The following DACH1 variants were observed in gnomAD, a reference collection of about 807,000 sequenced individuals.
The protein encoded by DACH1 is dachshund family transcription factor 1, also known as dachshund homolog 1.
Under a neutral mutation model 54.2 loss-of-function variants are expected in DACH1, and 12 were observed. The ratio of observed to expected loss-of-function variants is 0.22; its 90% CI spans 0.14 to 0.36. The LOEUF is 0.36. Among genes scored for constraint, DACH1 ranks in the 10% least tolerant of loss-of-function variants. The pLI, the probability that DACH1 is intolerant of heterozygous loss-of-function variation, is 1.00. For synonymous variants in DACH1, 386 were observed against 366.2 expected (o/e 1.05, Z -0.62); for missense variants, 805 against 929.8 (o/e 0.87, Z 1.75).
In DACH1 at chr13:71,692,506, C is replaced by CTTTTTTTTTT. The variant is rs398023338; in HGVS notation, c.849-10606_849-10597dup. Among the ~76,000 whole-genome samples the CTTTTTTTTTT allele has an allele frequency of 5.9e-4, 26 of 44,438 alleles. 5 individuals carry two copies. The highest frequency in any genetic ancestry group is 2.5e-3 in the African/African-American group (21 of 8,332). The allele number at this position is 44,438 out of a possible 152,430, so 29.2% of individuals were successfully genotyped here. On this transcript the variant is annotated intron_variant, in intron 1 of 10. Transcript: ENST00000613252. ...CCTTTCTTTTTCTTTCTTTTCTTTC[C>CTTTTTTTTTT]TTTTTTTTTTTTTTTTTTTTTTTTT...
chr13:71,800,901 C>T (rs549948314), intron 1 of DACH1, among the ~76,000 whole-genome samples: 9 of 147,594 alleles, frequency 6.1e-5, no homozygotes, highest in Non-Finnish European at 1.2e-4. Context: ...CTGCCATATC[C>T]GAGGAGACAT....
chr13:71,839,545 T>A (rs1165519226), intron 1 of DACH1, among the ~76,000 whole-genome samples: 6 of 152,056 alleles, frequency 3.9e-5, no homozygotes, highest in Non-Finnish European at 8.8e-5. Context: ...AGGTGGAGCT[T>A]GTAGTGAGCA....
chr13:71,765,926 G>GC, intron 1 of DACH1, among the ~76,000 whole-genome samples: 1 of 131,400 alleles, frequency 7.6e-6, no homozygotes, highest in Middle Eastern at 4.7e-3. Context: ...TCGCTCTGTC[G>GC]CCCAGGCTGG....
intron 1 of DACH1, among the ~76,000 whole-genome samples, chr13:71,699,824 A>G (rs574615663): frequency 1.2e-4 from 19 of 152,314 alleles, no homozygotes; most frequent in Admixed American, 1.2e-3. Flanking sequence ...AACTTGTATC[A>G]GCTTTTCCAA....
chr13:71,457,133 A>G (rs1240666594), intron 10 of DACH1, among the ~76,000 whole-genome samples: 2 of 152,072 alleles, frequency 1.3e-5, no homozygotes, highest in Non-Finnish European at 2.9e-5. Flanking sequence ...ATACTGTTCA[A>G]ATGACTGCAA....
At chr13:71,658,352 C>G (rs1879275701) in intron 2 of DACH1, among the ~76,000 whole-genome samples, 1 of 152,138 alleles carries the variant, frequency 6.6e-6, no homozygotes, top group South Asian at 2.1e-4. Flanking sequence ...GAGTTTGAGA[C>G]TAGCCTGGCC....
At chr13:71,570,651 AT>A (rs1373204258) in intron 4 of DACH1, among the ~76,000 whole-genome samples, 1 of 152,160 alleles carries the variant, frequency 6.6e-6, no homozygotes, top group East Asian at 1.9e-4. Flanking sequence ...GTGTTGGCAC[AT>A]ATCTTAAAAC....
At chr13:71,804,212 C>T (rs1887399657) in intron 1 of DACH1, among the ~76,000 whole-genome samples, 1 of 152,062 alleles carries the variant, frequency 6.6e-6, no homozygotes, top group Non-Finnish European at 1.5e-5. Context: ...ACTTGGGAGA[C>T]TAAGGCAGGA....
chr13:71,850,226 C>T (rs1594300084), intron 1 of DACH1, among the ~76,000 whole-genome samples: 1 of 152,182 alleles, frequency 6.6e-6, no homozygotes, highest in Non-Finnish European at 1.5e-5. Flanking sequence ...TTACTGGCTA[C>T]CTCCTTAAAT....
intron 10 of DACH1, among the ~76,000 whole-genome samples, chr13:71,448,383 C>T (rs767503963): frequency 2.0e-5 from 3 of 152,096 alleles, no homozygotes; most frequent in Non-Finnish European, 2.9e-5. Flanking sequence ...GCGATGAAAA[C>T]AAATGTTAAT....
intron 1 of DACH1, among the ~76,000 whole-genome samples, chr13:71,822,750 G>A (rs545332707): frequency 6.6e-6 from 1 of 152,258 alleles, no homozygotes; most frequent in East Asian, 1.9e-4. Flanking sequence ...CCATGCTGGA[G>A]CAAGTGGCTA....
At chr13:71,657,304 AAC>A (rs894597499) in intron 2 of DACH1, among the ~76,000 whole-genome samples, 5 of 151,994 alleles carry the variant, frequency 3.3e-5, no homozygotes, top group South Asian at 4.1e-4. Context: ...CCAGCATTTA[AAC>A]ACAGTGTGAC....
intron 10 of DACH1, among the ~76,000 whole-genome samples, chr13:71,443,215 T>C (rs1874160790): frequency 6.6e-6 from 1 of 151,710 alleles, no homozygotes; most frequent in Admixed American, 6.6e-5. Context: ...ATAAGTTGTG[T>C]CAGATATCAG....
At chr13:71,577,326 A>T (rs1281512891) in intron 3 of DACH1, among the ~76,000 whole-genome samples, 2 of 152,122 alleles carry the variant, frequency 1.3e-5, no homozygotes, top group Admixed American at 1.3e-4. Flanking sequence ...TTCTGTTGGA[A>T]TTTTCCTCCC....
intron 1 of DACH1, among the ~76,000 whole-genome samples, chr13:71,800,717 G>A (rs9318032): frequency 0.19 from 29,500 of 151,958 alleles, 4,768 homozygotes; most frequent in East Asian, 0.84. Context: ...ATGATAAAAT[G>A]TAAGCCTGTT....
intron 1 of DACH1, among the ~76,000 whole-genome samples, chr13:71,733,778 T>A (rs916276621): frequency 3.3e-5 from 5 of 152,170 alleles, no homozygotes; most frequent in Non-Finnish European, 5.9e-5. Flanking sequence ...ATAATTCATA[T>A]TATTCTCTTA....
At chr13:71,615,195 A>G (rs948852326) in intron 3 of DACH1, among the ~76,000 whole-genome samples, 1 of 152,194 alleles carries the variant, frequency 6.6e-6, no homozygotes. Flanking sequence ...ATGTTAAAGT[A>G]TAAATAAAAT....
chr13:71,730,510 CA>C (rs1883692755), intron 1 of DACH1, among the ~76,000 whole-genome samples: 1 of 152,102 alleles, frequency 6.6e-6, no homozygotes, highest in Non-Finnish European at 1.5e-5. Flanking sequence ...AAATCAATCA[CA>C]AAATGTTTAC....
chr13:71,490,741 C>T (rs1265944783), intron 6 of DACH1, among the ~76,000 whole-genome samples: 1 of 152,190 alleles, frequency 6.6e-6, no homozygotes, highest in African/African-American at 2.4e-5. Flanking sequence ...CAAACCAAGG[C>T]TGCTAGTGTT....
Sources: allele counts gnomAD v4.1 joint callset (sites outside exome capture counted in the v4.1 genomes callset), GRCh38; gene constraint gnomAD v4.1.1; transcripts MANE v1.5; gene names NCBI Gene and HGNC (gene_info 2026-07-23, HGNC 2026-07-21).